ERAP1: variants seen among roughly 807,000 people sequenced by gnomAD.
ERAP1 encodes adipocyte-derived leucine aminopeptidase.
A neutral mutation model predicts 103.7 loss-of-function variants in ERAP1; 86 were observed. The ratio of observed to expected loss-of-function variants is 0.83; its 90% CI spans 0.70 to 0.99. The LOEUF is 0.99. Ranked by LOEUF, ERAP1 falls within the 50% of genes least tolerant of loss-of-function variation. The pLI is 0.00. For synonymous variants in ERAP1, 398 were observed against 402.4 expected (o/e 0.99, Z 0.13); for missense variants, 1,009 against 1,128.4 (o/e 0.89, Z 1.52).
the ERAP1 span, among the ~76,000 whole-genome samples, chr5:96,856,855 C>T: frequency 6.6e-6 from 1 of 152,206 alleles, no homozygotes; most frequent in Admixed American, 6.5e-5. Flanking sequence ...CACTTTTCTG[C>T]TGGTTCTCTG....
chr5:96,809,493 C>T (rs72773969), upstream of ERAP1, among the ~76,000 whole-genome samples: 13,909 of 152,186 alleles, frequency 0.091, 839 homozygotes, highest in Middle Eastern at 0.16. Flanking sequence ...GTCACTGCAA[C>T]AGTATTTCTC....
the ERAP1 span, chr5:96,909,735 C>T: frequency 0.52 from 838,112 of 1,613,054 alleles, 219,136 homozygotes; most frequent in Admixed American, 0.61. Context: ...AACTCTTCTC[C>T]CAGTGGATGG....
At chr5:96,797,520 AGTCCTGCTGGTGGT>A (rs1234091318) in intron 3 of ERAP1, among the ~76,000 whole-genome samples, 1 of 152,154 alleles carries the variant, frequency 6.6e-6, no homozygotes, top group Non-Finnish European at 1.5e-5. Flanking sequence ...TACAAAAATT[AGTCCTGCTGGTGGT>A]GCGTGCCTGT....
chr5:96,930,204 C>T, the ERAP1 span, among the ~76,000 whole-genome samples: 1 of 152,170 alleles, frequency 6.6e-6, no homozygotes, highest in African/African-American at 2.4e-5. Context: ...CTGATATTGC[C>T]TCTAGTTTTT....
rs1237092358 is a variant in ERAP1 at position 96,762,471 on chromosome 5, T to C, written c.*729A>G. 9 of 764,324 alleles carry C rather than the reference T, an allele frequency of 1.2e-5. No homozygotes were observed. The East Asian group carries it at 2.5e-4, about 21-fold the overall frequency. The allele number at this position is 764,324 out of a possible 1,614,324, so 47.3% of individuals were successfully genotyped here. On this transcript the variant is annotated 3_prime_UTR_variant, in exon 20 of 20. Transcript: ENST00000296754. ...TTAAAGCAAATGAAAATAGGCAGAATTATTAGGAAGATCAGGCACCTTCTA... is the reference window on the plus strand; with the variant it reads ...TTAAAGCAAATGAAAATAGGCAGAACTATTAGGAAGATCAGGCACCTTCTA...
At chr5:96,883,853 G>T in the ERAP1 span, 7 of 1,613,818 alleles carry the variant, frequency 4.3e-6, no homozygotes, top group Middle Eastern at 1.7e-4. Context: ...TTGCTTTGAT[G>T]AACCGTTGTT....
chr5:96,874,136 G>GAAAGAAAGAAAGAAAGAA, the ERAP1 span, among the ~76,000 whole-genome samples: 2 of 118,782 alleles, frequency 1.7e-5, no homozygotes, highest in Non-Finnish European at 1.8e-5. Context: ...GAAAGAGAGA[G>GAAAGAAAGAAAGAAAGAA]AGAAAGAAAG....
the ERAP1 span, among the ~76,000 whole-genome samples, chr5:96,908,552 C>T: frequency 1.3e-5 from 2 of 152,120 alleles, no homozygotes; most frequent in Non-Finnish European, 1.5e-5. Context: ...CAAGTCAAAC[C>T]CACACATGAA....
At chr5:96,855,415 A>G in the ERAP1 span, among the ~76,000 whole-genome samples, 1 of 152,210 alleles carries the variant, frequency 6.6e-6, no homozygotes, top group Non-Finnish European at 1.5e-5. Flanking sequence ...CACAGGATAC[A>G]TTGTCTATAT....
At chr5:96,783,838 CACACACACACACACACAT>C (rs879320214) in intron 14 of ERAP1, 68 bp downstream of exon 14, 28,505 of 808,560 alleles carry the variant, frequency 0.035, 839 homozygotes, top group East Asian at 0.051. Context: ...CACACACACA[CACACACACACACACACAT>C]ACACACACAA....
At chr5:96,794,601 C>A (rs372190169) in intron 5 of ERAP1, among the ~76,000 whole-genome samples, 11 of 152,062 alleles carry the variant, frequency 7.2e-5, no homozygotes, top group African/African-American at 1.9e-4. Flanking sequence ...CCCACATATA[C>A]CTAAAAAATC....
the ERAP1 span, chr5:96,912,823 T>C: frequency 1.9e-6 from 3 of 1,569,678 alleles, no homozygotes; most frequent in South Asian, 3.6e-5. Context: ...TTAACTAAAT[T>C]GTTATAAGTA....
the ERAP1 span, chr5:96,848,962 A>C: frequency 7.2e-5 from 11 of 152,212 alleles, no homozygotes; most frequent in African/African-American, 2.7e-4. Flanking sequence ...GGGATGCAAG[A>C]GTGGTTCAAC....
the ERAP1 span, among the ~76,000 whole-genome samples, chr5:96,905,740 C>T: frequency 6.6e-6 from 1 of 151,846 alleles, no homozygotes; most frequent in African/African-American, 2.4e-5. Flanking sequence ...AAAAATTAGC[C>T]CAGTGTGGTG....
intron 3 of ERAP1, among the ~76,000 whole-genome samples, 200 bp from the exon 4 acceptor site, chr5:96,797,509 A>G (rs940510658): frequency 6.6e-6 from 1 of 152,160 alleles, no homozygotes; most frequent in Non-Finnish European, 1.5e-5. Context: ...TACAAAAAAA[A>G]TACAAAAATT....
rs558484855 is a variant in ERAP1, at chr5:96,776,404, G to T, written c.2818C>A (p.Arg940Ser). The T allele has an allele frequency of 8.7e-6, 14 of 1,611,562 alleles. No homozygotes were observed. The highest frequency in any genetic ancestry group is 2.2e-5 in the South Asian group (2 of 90,512). The change falls in exon 19 of 19, where the codon CGT (arginine) becomes AGT (serine). Residue 940 changes from arginine to serine, a missense_variant. Arg to Ser is a moderately radical substitution (Grantham distance 110, BLOSUM62 -1). Around this residue, in one of 3 missense-constraint regions of ERAP1, gnomAD observed 611 missense variants for 651.7 expected, o/e 0.94. Transcript: ENST00000443439. ...RVWLQSEKLE[R>S]M ...TGGCAAGGGAGGAATTTTTACATAC[G>T]TTCAAGCTTTTCACTTTGCAGCCAC...
At chr5:96,911,545 T>G in the ERAP1 span, among the ~76,000 whole-genome samples, 1 of 151,886 alleles carries the variant, frequency 6.6e-6, no homozygotes, top group Non-Finnish European at 1.5e-5. Flanking sequence ...AAATTAAGAC[T>G]CTCTAGGCCT....
chr5:96,788,109 C>G (rs148246057), intron 11 of ERAP1, among the ~76,000 whole-genome samples: 1 of 152,186 alleles, frequency 6.6e-6, no homozygotes, highest in African/African-American at 2.4e-5. Context: ...AGCTGACAAA[C>G]AGGTTCCAAA....
chr5:96,762,023 C>CT (rs1344770764), exon 20 of ERAP1: 10 of 301,616 alleles, frequency 3.3e-5, no homozygotes, highest in Non-Finnish European at 6.0e-5. Flanking sequence ...CCGTGGAACT[C>CT]TAAGTTATAT....
Sources: allele counts gnomAD v4.1 joint callset (sites outside exome capture counted in the v4.1 genomes callset), GRCh38; gene constraint gnomAD v4.1.1; regional missense constraint gnomAD v4.1.1; transcripts MANE v1.5; gene names NCBI Gene and HGNC (gene_info 2026-07-23, HGNC 2026-07-21).